The following EBF2 variants were observed in gnomAD, a reference collection of about 807,000 sequenced individuals.
EBF2 encodes EBF transcription factor 2, also known as transcription factor COE2.
EBF2 carries 21 observed loss-of-function variants against 72.8 expected under a neutral mutation model. That is an observed-to-expected ratio of 0.29 (90% CI 0.20 to 0.42). The LOEUF (loss-of-function observed/expected upper bound fraction) is 0.42, where lower values mean the gene tolerates loss of function less well. Ranked by LOEUF, EBF2 falls within the 10% of genes least tolerant of loss-of-function variation. EBF2 has a pLI of 1.00. For missense variants in EBF2, 637 were observed against 731.2 expected, an observed-to-expected ratio of 0.87 and a Z score of 1.49; for synonymous variants, 299 against 274.2, an observed-to-expected ratio of 1.09 and a Z score of -0.89.
intron 6 of EBF2, among the ~76,000 whole-genome samples, chr8:25,999,900 A>C (rs1804695627): frequency 6.6e-6 from 1 of 152,120 alleles, no homozygotes; most frequent in Non-Finnish European, 1.5e-5. Context: ...CACTTGGACC[A>C]AGACATCAAA....
chr8:26,019,692 C>T (rs1365591728), intron 6 of EBF2, among the ~76,000 whole-genome samples: 3 of 152,142 alleles, frequency 2.0e-5, no homozygotes, highest in Non-Finnish European at 2.9e-5. Flanking sequence ...CATGCAAACT[C>T]ACCAACAGCT....
At chr8:25,856,371 AAATATTCCTT>A in intron 14 of EBF2, among the ~76,000 whole-genome samples, 1 of 152,346 alleles carries the variant, frequency 6.6e-6, no homozygotes, top group South Asian at 2.1e-4. Flanking sequence ...TAAATACATT[AAATATTCCTT>A]AATAATTTAA....
chr8:25,930,766 T>C (rs1277749363), intron 6 of EBF2, among the ~76,000 whole-genome samples: 1 of 152,152 alleles, frequency 6.6e-6, no homozygotes, highest in Non-Finnish European at 1.5e-5. Context: ...TACCTGTACA[T>C]TTGAGGATGA....
chr8:25,854,295 G>GTGAT (rs1802040871), intron 14 of EBF2, among the ~76,000 whole-genome samples: 1 of 150,622 alleles, frequency 6.6e-6, no homozygotes, highest in Admixed American at 6.6e-5. Context: ...GAAACACTTG[G>GTGAT]TGATTGTAGT....
intron 6 of EBF2, among the ~76,000 whole-genome samples, chr8:26,000,264 T>G (rs1804702880): frequency 1.3e-5 from 2 of 152,150 alleles, no homozygotes; most frequent in South Asian, 4.1e-4. Flanking sequence ...ACAGTTTGGC[T>G]TGCTCCATTA....
rs553021345 is a variant in EBF2 at position 25,906,627 on chromosome 8, C to A, written c.633+1847G>T. On this transcript the variant is annotated intron_variant, in intron 7 of 15. Coordinates refer to ENST00000520164, the MANE Select transcript of EBF2 (RefSeq NM_022659.4). The stretch of plus-strand genomic sequence containing the variant: ...ACTAAAAATACAAAAATTAGCCAGG[C>A]GTGGTGGCATGTGCCTGTAGTCCCA... Among the ~76,000 whole-genome samples the A allele has an allele frequency of 1.6e-3, 239 of 152,082 alleles. 5 individuals carry two copies. The highest frequency in any genetic ancestry group is 2.5e-3 in the South Asian group (12 of 4,808).
chr8:26,018,748 G>A (rs1585229745), intron 6 of EBF2, among the ~76,000 whole-genome samples: 1 of 151,962 alleles, frequency 6.6e-6, no homozygotes, highest in Non-Finnish European at 1.5e-5. Flanking sequence ...CTGATGTGTA[G>A]TTGGTAGCAC....
At chr8:25,906,706 G>A (rs779767437) in intron 7 of EBF2, among the ~76,000 whole-genome samples, 1 of 152,124 alleles carries the variant, frequency 6.6e-6, no homozygotes, top group African/African-American at 2.4e-5. Context: ...GGAGGAGGTT[G>A]CAGTGAGCCA....
At chr8:25,895,163 G>T (rs1196097463) in intron 7 of EBF2, among the ~76,000 whole-genome samples, 2 of 152,210 alleles carry the variant, frequency 1.3e-5, no homozygotes, top group Non-Finnish European at 2.9e-5. Context: ...ACAGCTCAAA[G>T]CCTGCAGATC....
In EBF2 at chr8:25,951,628, C is replaced by T. The variant is rs138983998; in HGVS notation, c.552-43073G>A. On this transcript the variant is annotated intron_variant, in intron 6 of 15. Coordinates refer to ENST00000520164, the MANE Select transcript of EBF2 (RefSeq NM_022659.4). ...CACTTGGGAAGGGAGAGAATACACA[C>T]ACTTAGCTAGGGCAAAGATGAGAGA... Among the ~76,000 whole-genome samples the T allele has an allele frequency of 1.6e-3, 243 of 152,318 alleles. 1 individual carries two copies. Among genetic ancestry groups the T allele is most frequent in the Admixed American group, 3.3e-3 (51 of 15,302 alleles).
chr8:25,896,376 C>T (rs1247376808), intron 7 of EBF2, among the ~76,000 whole-genome samples: 1 of 152,152 alleles, frequency 6.6e-6, no homozygotes, highest in Non-Finnish European at 1.5e-5. Context: ...AGCTATAACA[C>T]ATCGCATTTA....
At chr8:25,956,670 G>A (rs1803954042) in intron 6 of EBF2, among the ~76,000 whole-genome samples, 1 of 152,196 alleles carries the variant, frequency 6.6e-6, no homozygotes, top group Non-Finnish European at 1.5e-5. Flanking sequence ...GTGAGAACAT[G>A]TTGTATTTCT....
intron 6 of EBF2, among the ~76,000 whole-genome samples, chr8:26,005,650 T>C (rs1804867200): frequency 7.4e-6 from 1 of 134,614 alleles, no homozygotes; most frequent in South Asian, 2.3e-4. Flanking sequence ...GGCAACATAG[T>C]GAGACTCTGT....
chr8:26,039,902 T>C, intron 5 of EBF2, 126 bp downstream of exon 5: 22 of 921,906 alleles, frequency 2.4e-5, no homozygotes, highest in Non-Finnish European at 3.8e-5. Flanking sequence ...TGCGCCCGTC[T>C]GCCCGCGAGG....
At chr8:25,906,946 G>GT (rs201070596) in intron 7 of EBF2, among the ~76,000 whole-genome samples, 5,063 of 151,294 alleles carry the variant, frequency 0.033, 121 homozygotes, top group Middle Eastern at 0.062. Context: ...ACTACTACTA[G>GT]TTTTTTTTTC....
chr8:25,848,007 CA>C lies in EBF2; in HGVS notation c.1696+2586del, dbSNP rs1307065521. On this transcript the variant is annotated intron_variant, in intron 15 of 15. Coordinates refer to ENST00000520164, the MANE Select transcript of EBF2 (RefSeq NM_022659.4). ...TGTAATCAAAAACCACCTGTACCCC[CA>C]AAATTAATGAAATTTTCTTTTAAAA... Among the ~76,000 whole-genome samples, 5 of 151,846 alleles carry C rather than the reference CA, an allele frequency of 3.3e-5. 1 individual carries two copies. Among genetic ancestry groups the C allele is most frequent in the African/African-American group, 1.2e-4 (5 of 41,346 alleles).
At chr8:25,998,008 A>C (rs1804664853) in intron 6 of EBF2, among the ~76,000 whole-genome samples, 1 of 152,364 alleles carries the variant, frequency 6.6e-6, no homozygotes, top group African/African-American at 2.4e-5. Context: ...AAAAAATTAT[A>C]ACTAGAGACT....
chr8:25,938,241 T>TC (rs1273477412), intron 6 of EBF2, among the ~76,000 whole-genome samples: 1 of 152,142 alleles, frequency 6.6e-6, no homozygotes, highest in East Asian at 1.9e-4. Flanking sequence ...TTCTTTTTTT[T>TC]CAAGAGATCA....
At chr8:25,948,918 C>T (rs984937861) in intron 6 of EBF2, among the ~76,000 whole-genome samples, 3 of 152,100 alleles carry the variant, frequency 2.0e-5, no homozygotes, top group African/African-American at 7.2e-5. Flanking sequence ...GGCGGCTGTG[C>T]GTTACTGCGT....
Sources: gnomAD v4.1 joint callset for allele counts (sites outside exome capture counted in the v4.1 genomes callset) on GRCh38, gnomAD v4.1.1 for gene constraint, MANE v1.5 for transcripts, NCBI Gene and HGNC (gene_info 2026-07-23, HGNC 2026-07-21) for gene names.